OR52N1: variants seen among roughly 807,000 people sequenced by gnomAD.
OR52N1 encodes olfactory receptor family 52 subfamily N member 1.
A neutral mutation model predicts 13.9 loss-of-function variants in OR52N1; 11 were observed. The ratio of observed to expected loss-of-function variants is 0.79; its 90% CI spans 0.50 to 1.31. The LOEUF (loss-of-function observed/expected upper bound fraction) is 1.31, where lower values mean the gene tolerates loss of function less well. Among genes scored for constraint, OR52N1 ranks in the 40% most tolerant of loss-of-function variants. The pLI, the probability that OR52N1 is intolerant of heterozygous loss-of-function variation, is 0.00. For missense variants in OR52N1, 414 were observed against 397.7 expected (o/e 1.04, Z -0.35); for synonymous variants, 142 against 143.7 (o/e 0.99, Z 0.08).
Position 5,788,355 on chromosome 11 carries a change from A to T in OR52N1, c.462T>A (p.Gly154=). Reference sequence around the variant, plus strand: ...AAGTGGAAGGGATAACAAGCATCACACCCCTAAGAAAAGTGAGGAACCCAG... The same window carrying T: ...AAGTGGAAGGGATAACAAGCATCACTCCCCTAAGAAAAGTGAGGAACCCAG... ...AKAGFLTFLR[G]VMLVIPSTFL... is the part of the protein sequence containing the mutation. The change falls in exon 2 of 2, where the codon GGT becomes GGA. Residue 154 remains glycine, a synonymous_variant. Transcript: ENST00000641645. The T allele has an allele frequency of 6.2e-7, 1 of 1,613,926 alleles. No individual in the cohort carries two copies. The highest frequency in any genetic ancestry group is 8.5e-7 in the Non-Finnish European group (1 of 1,179,966).
intron 1 of OR52N1, among the ~76,000 whole-genome samples, chr11:5,790,142 T>C (rs1854640570): frequency 6.6e-6 from 1 of 152,120 alleles, no homozygotes; most frequent in African/African-American, 2.4e-5. Context: ...GTGACCCACC[T>C]GTCACTTCAG....
At position 5,791,228 on chromosome 11, in the gene OR52N1, T is replaced by C. The variant is rs1180363689; in HGVS notation, c.-162A>G. The C allele has an allele frequency of 2.0e-5, 3 of 151,968 alleles. No individual in the cohort carries two copies. The highest frequency in any genetic ancestry group is 4.8e-5 in the African/African-American group (2 of 41,418). The allele number at this position is 151,968 out of a possible 1,614,324, so 9.4% of individuals were successfully genotyped here. On this transcript the variant is annotated 5_prime_UTR_variant, in exon 1 of 2. Coordinates refer to ENST00000641645, the MANE Select transcript of OR52N1 (RefSeq NM_001001913.2). ...GAAATATAATACCTACATTGAGACC[T>C]TGGGAGGCAAGTGGAGGAGGGAACA... is the stretch of plus-strand genomic sequence containing the variant.
At chr11:5,790,770 C>T (rs4758093) in intron 1 of OR52N1, among the ~76,000 whole-genome samples, 56,688 of 151,914 alleles carry the variant, frequency 0.37, 11,846 homozygotes, top group African/African-American at 0.58. Flanking sequence ...GTTCATATCC[C>T]TTTCCTACTT....
In OR52N1 at chr11:5,788,056, T is replaced by C. The variant is rs1365784840; in HGVS notation, c.761A>G (p.Tyr254Cys). The C allele has an allele frequency of 2.5e-6, 4 of 1,609,120 alleles. No individual in the cohort carries two copies. The East Asian group carries it at 6.7e-5, about 27-fold the overall frequency. Residue 254 changes from tyrosine (Y) to cysteine (C), a missense_variant, in exon 2 of 2, where the codon TAT becomes TGT. Transcript: ENST00000641645. ...TAHFCAIVLT[Y>C]VPAFFTFFTH... ...AAAGAAGGTAAAGAAGGCTGGAACA[T>C]AGGTGAGGACTATGGCACAGAAGTG...
Position 5,787,584 on chromosome 11 carries a change from A to AT in OR52N1, c.*269_*270insA. ...ACCACTGTGCTGCAAATTTGTGTAG[A>AT]CTGTCATTTAGGAGAGAAGATGATG... On this transcript the variant is annotated 3_prime_UTR_variant, in exon 2 of 2. Transcript: ENST00000641645. The AT allele has an allele frequency of 3.8e-6, 1 of 261,130 alleles. No homozygotes were observed. 16.2% of individuals were successfully genotyped at this position (261,130 alleles called of 1,614,324 possible). A position where few individuals can be genotyped will look rare whatever the true frequency, so the allele number is the denominator to read the frequency against.
rs1382229354 is a variant in OR52N1, at chr11:5,788,435, T to C, written c.382A>G (p.Ile128Val). The C allele has an allele frequency of 1.2e-6, 2 of 1,613,954 alleles. No homozygotes were observed. Among genetic ancestry groups the C allele is most frequent in the Non-Finnish European group, 1.7e-6 (2 of 1,179,988 alleles). Residue 128 changes from isoleucine to valine, a missense_variant, in exon 2 of 2, where the codon ATC becomes GTC. Transcript: ENST00000641645. ...GTGGCATAACGCAGAGGGAAGCAGATGGCCACACAGTGGTCCAGGGCCATG... is the reference window on the plus strand; with the variant it reads ...GTGGCATAACGCAGAGGGAAGCAGACGGCCACACAGTGGTCCAGGGCCATG... ...MLMALDHCVA[I>V]CFPLRYATIL...
At position 5,787,901 on chromosome 11, in the gene OR52N1, C is replaced by T. The variant is rs1854609973; in HGVS notation, c.916G>A (p.Val306Ile). 6.6e-7 allele frequency: 1 copy of T among 1,509,766 alleles called. No individual in the cohort carries two copies. The highest frequency in any genetic ancestry group is 1.2e-5 in the South Asian group (1 of 83,576). 93.5% of individuals were successfully genotyped at this position (1,509,766 alleles called of 1,614,324 possible). Residue 306 changes from valine (V) to isoleucine (I), a missense_variant, in exon 2 of 2, where the codon GTC (valine) becomes ATC (isoleucine). Coordinates refer to ENST00000641645, the MANE Select transcript of OR52N1 (RefSeq NM_001001913.2). The stretch of plus-strand genomic sequence containing the variant: ...TTTCCCTTAAGAAAGAACCTAATGA[C>T]ACTTTCTCGTACCTGCCTGGTTTTC... ...GVKTRQVRES[V>I]IRFFLKGKDN...
Position 5,788,138 on chromosome 11 carries a change from C to T in OR52N1, c.679G>A (p.Val227Ile). The T allele has an allele frequency of 6.2e-7, 1 of 1,614,004 alleles. No homozygotes were observed. The highest frequency in any genetic ancestry group is 8.5e-7 in the Non-Finnish European group (1 of 1,179,972). ...GCATCTGCTGATGATAGACTCACAA[C>T]TGCTTGAAGAATCATAGTGTAGGAG... ...TISYTMILQAVVSLSSADARQ... is the reference protein window; with the variant it reads ...TISYTMILQAIVSLSSADARQ... Residue 227 changes from valine (V) to isoleucine (I), a missense_variant, in exon 2 of 2, where the codon GTT (valine) becomes ATT (isoleucine). Physicochemically the swap from Val to Ile is conservative, Grantham distance 29 (BLOSUM62 3). Coordinates refer to ENST00000641645, the MANE Select transcript of OR52N1 (RefSeq NM_001001913.2).
At position 5,788,837 on chromosome 11, in the gene OR52N1, T is replaced by C. The variant is rs1467920154; in HGVS notation, c.-21A>G. ...GACATAATGACTGTTGGAAGTTCATTGTATAGCAGTTATAGCATTGCCTCT... is the reference window on the plus strand; with the variant it reads ...GACATAATGACTGTTGGAAGTTCATCGTATAGCAGTTATAGCATTGCCTCT... On this transcript the variant is annotated 5_prime_UTR_variant, in exon 2 of 2. Transcript: ENST00000641645. 1.1e-5 allele frequency: 17 copies of C among 1,576,894 alleles called. No homozygotes were observed. The highest frequency in any genetic ancestry group is 8.0e-5 in the South Asian group (7 of 87,486).
chr11:5,787,762 C>T lies in OR52N1; in HGVS notation c.*92G>A, dbSNP rs1272350045. ...GTAATCCGAGTATCATAAAAATATT[C>T]CTGTGGCCAGATTTCTGGTGTCATT... is the stretch of plus-strand genomic sequence containing the variant. On this transcript the variant is annotated 3_prime_UTR_variant, in exon 2 of 2. Coordinates refer to ENST00000641645, the MANE Select transcript of OR52N1 (RefSeq NM_001001913.2). The T allele has an allele frequency of 4.6e-6, 5 of 1,095,762 alleles. 1 individual carries two copies. Among genetic ancestry groups the T allele is most frequent in the Admixed American group, 5.0e-5 (2 of 39,726 alleles). The allele number at this position is 1,095,762 out of a possible 1,614,324, so 67.9% of individuals were successfully genotyped here.
intron 1 of OR52N1, among the ~76,000 whole-genome samples, chr11:5,789,608 T>C (rs1025848007): frequency 4.6e-5 from 7 of 152,094 alleles, no homozygotes; most frequent in African/African-American, 1.7e-4. Context: ...AAGATGCTTA[T>C]CATCTTAAAC....
Position 5,786,511 on chromosome 11 carries a change from G to T in OR52N1, c.*1343C>A, listed in dbSNP as rs947049101. ...TTGTTCAATTCCCACCTATGAGTGA[G>T]AACATGCAGTGTTTGGTTTTTTGTC... On this transcript the variant is annotated 3_prime_UTR_variant, in exon 2 of 2. Coordinates refer to ENST00000641645, the MANE Select transcript of OR52N1 (RefSeq NM_001001913.2). The T allele has an allele frequency of 7.9e-6, 1 of 126,214 alleles. No individual in the cohort carries two copies. The highest frequency in any genetic ancestry group is 1.7e-5 in the Non-Finnish European group (1 of 59,754). 7.8% of individuals were successfully genotyped at this position (126,214 alleles called of 1,614,324 possible).
intron 1 of OR52N1, among the ~76,000 whole-genome samples, chr11:5,789,061 T>C (rs1357514996): frequency 6.6e-6 from 1 of 152,172 alleles, no homozygotes; most frequent in Non-Finnish European, 1.5e-5. Context: ...AGTCAGTACA[T>C]TTGGACCTGA....
In OR52N1 at chr11:5,788,470, A is replaced by G. The variant is rs1854620654; in HGVS notation, c.347T>C (p.Val116Ala). ...GTGGTCCAGGGCCATGAGCATGAGC[A>G]CCCCAGACTCCATCCCTGTGAAGGT... The part of the protein sequence containing the change: ...VHTFTGMESG[V>A]LMLMALDHCV... Residue 116 changes from valine to alanine, a missense_variant, in exon 2 of 2, where the codon GTG becomes GCG. Physicochemically the swap from Val to Ala is moderately conservative, Grantham distance 64 (BLOSUM62 0). Transcript: ENST00000641645. 1 of 1,613,906 alleles carries G rather than the reference A, an allele frequency of 6.2e-7. No homozygotes were observed. The highest frequency in any genetic ancestry group is 8.5e-7 in the Non-Finnish European group (1 of 1,179,962).
At chr11:5,790,873 C>G (rs1017264850) in intron 1 of OR52N1, among the ~76,000 whole-genome samples, 1 of 152,016 alleles carries the variant, frequency 6.6e-6, no homozygotes, top group Admixed American at 6.6e-5. Flanking sequence ...AAATGTTCTC[C>G]TATCCTGTAG....
rs1854608527 is a variant in OR52N1 at position 5,787,809 on chromosome 11, G to C, written c.*45C>G. The C allele has an allele frequency of 1.4e-6, 2 of 1,398,476 alleles. No individual in the cohort carries two copies. Among genetic ancestry groups the C allele is most frequent in the African/African-American group, 1.5e-5 (1 of 66,328 alleles). The allele number at this position is 1,398,476 out of a possible 1,614,324, so 86.6% of individuals were successfully genotyped here. On this transcript the variant is annotated 3_prime_UTR_variant, in exon 2 of 2. Transcript: ENST00000641645. ...CATTTAAAGAGCTCCCTATTGACTT[G>C]GTGATCTCAACCTGGCTAAGAAAAT...
intron 1 of OR52N1, among the ~76,000 whole-genome samples, chr11:5,789,637 C>G (rs1434133600): frequency 2.0e-5 from 3 of 152,042 alleles, no homozygotes; most frequent in East Asian, 1.9e-4. Flanking sequence ...TTGACATTCC[C>G]TTTAGAACAT....
intron 1 of OR52N1, among the ~76,000 whole-genome samples, chr11:5,790,215 T>C (rs893543028): frequency 1.3e-5 from 2 of 152,122 alleles, no homozygotes; most frequent in Non-Finnish European, 2.9e-5. Flanking sequence ...ATATGTGTCT[T>C]TTATAAAATT....
At chr11:5,789,052 G>T (rs984707882) in intron 1 of OR52N1, among the ~76,000 whole-genome samples, 192 bp from the exon 2 acceptor site, 9 of 152,170 alleles carry the variant, frequency 5.9e-5, no homozygotes, top group African/African-American at 9.7e-5. Context: ...ACTGAGTCTA[G>T]TCAGTACATT....
Sources: gnomAD v4.1 joint callset for allele counts (sites outside exome capture counted in the v4.1 genomes callset) on GRCh38, gnomAD v4.1.1 for gene constraint, MANE v1.5 for transcripts, NCBI Gene and HGNC (gene_info 2026-07-23, HGNC 2026-07-21) for gene names.